The following GNG7 variants were observed in gnomAD, a reference collection of about 807,000 sequenced individuals.
GNG7 encodes the protein guanine nucleotide-binding protein G(I)/G(S)/G(O) subunit gamma-7.
GNG7 carries 1 observed loss-of-function variant against 4.0 expected under a neutral mutation model. That is an observed-to-expected ratio of 0.25 (90% CI 0.09 to 1.18). The LOEUF (loss-of-function observed/expected upper bound fraction) is 1.18, where lower values mean the gene tolerates loss of function less well. GNG7 is among the 50% of genes most tolerant of loss of function. GNG7 has a pLI of 0.50. For missense variants in GNG7, 86 were observed against 91.9 expected (o/e 0.94, Z 0.26); for synonymous variants, 34 against 36.9 (o/e 0.92, Z 0.29).
intron 3 of GNG7, among the ~76,000 whole-genome samples, chr19:2,525,971 A>ATTTTTTTTGTTTTTTTTTTTTTTTTT (rs1978380847): frequency 1.3e-5 from 1 of 75,684 alleles, no homozygotes; most frequent in Non-Finnish European, 2.3e-5. Context: ...CTCCACGCCA[A>ATTTTTTTTGTTTTTTTTTTTTTTTTT]TTTTTTTTTT....
At position 2,634,161 on chromosome 19, in the gene GNG7, A is replaced by G. The variant is rs1350822688; in HGVS notation, c.-78+12063T>C. 6.6e-6 allele frequency among the ~76,000 whole-genome samples: 1 copy of G among 152,106 alleles called. No individual in the cohort carries two copies. Among genetic ancestry groups the G allele is most frequent in the Non-Finnish European group, 1.5e-5 (1 of 68,006 alleles). ...GCCCCACTGGGCGTTTATGGTGCCT[A>G]TCATGAGCAGGAAAATAACTCGAAT... is the stretch of plus-strand genomic sequence containing the variant. On this transcript the variant is annotated intron_variant, in intron 2 of 4. Coordinates refer to ENST00000382159, the MANE Select transcript of GNG7 (RefSeq NM_052847.3). This position sits in a 1 kb window ranked among gnomAD's most constrained non-coding sequence, Gnocchi z 5.3.
At chr19:2,550,660 T>C (rs1443953782) in intron 3 of GNG7, among the ~76,000 whole-genome samples, 1 of 152,206 alleles carries the variant, frequency 6.6e-6, no homozygotes, top group Non-Finnish European at 1.5e-5. Flanking sequence ...GACCACCAGC[T>C]GCTCTGTGGC....
chr19:2,544,767 G>A (rs999105756), intron 3 of GNG7, among the ~76,000 whole-genome samples: 9 of 152,180 alleles, frequency 5.9e-5, no homozygotes, highest in African/African-American at 1.9e-4. Context: ...GACATCTGTG[G>A]TTGTCGGGGT....
At chr19:2,688,515 G>A (rs889078929) in intron 1 of GNG7, among the ~76,000 whole-genome samples, 9 of 152,102 alleles carry the variant, frequency 5.9e-5, no homozygotes, top group East Asian at 1.9e-4. Flanking sequence ...CCCGAAACCC[G>A]TAACCCCGGT....
chr19:2,587,862 A>AGAAGGAAG lies in GNG7; in HGVS notation c.-77-32682_-77-32675dup, dbSNP rs71178293. Among the ~76,000 whole-genome samples the AGAAGGAAG allele has an allele frequency of 3.0e-3, 439 of 144,976 alleles. 2 individuals carry two copies. Among genetic ancestry groups the AGAAGGAAG allele is most frequent in the South Asian group, 0.014 (59 of 4,336 alleles). Reference sequence around the variant, plus strand: ...ATCTCAAGAAAAGAGAGAGAAAGAGAGAAGGAAGGAAGGAAGGAAGGAAGG... The same window carrying AGAAGGAAG: ...ATCTCAAGAAAAGAGAGAGAAAGAGAGAAGGAAGGAAGGAAGGAAGGAAGGAAGGAAGG... On this transcript the variant is annotated intron_variant, in intron 2 of 4. Transcript: ENST00000382159.
chr19:2,687,541 G>A (rs1185209931), intron 1 of GNG7, among the ~76,000 whole-genome samples: 4 of 152,082 alleles, frequency 2.6e-5, no homozygotes, highest in South Asian at 2.1e-4. Flanking sequence ...GCTTGAGCCC[G>A]GGAGGCAGAG....
Position 2,611,293 on chromosome 19 carries a change from TCTAGA to T in GNG7, c.-78+34926_-78+34930del, listed in dbSNP as rs1981555708. 1 of 152,204 alleles carries T rather than the reference TCTAGA, an allele frequency of 6.6e-6. No individual in the cohort carries two copies. Among genetic ancestry groups the T allele is most frequent in the African/African-American group, 2.4e-5 (1 of 41,414 alleles). 9.4% of individuals were successfully genotyped at this position (152,204 alleles called of 1,614,324 possible). A position where few individuals can be genotyped will look rare whatever the true frequency, so the allele number is the denominator to read the frequency against. On this transcript the variant is annotated intron_variant, in intron 2 of 4. Coordinates refer to ENST00000382159, the MANE Select transcript of GNG7 (RefSeq NM_052847.3). The surrounding 1 kb of genome is among the most constrained non-coding windows in gnomAD (Gnocchi z 6.0). ...GGCGAGGAATTCCGCCTGGCGAGCG[TCTAGA>T]CTGCGGTGTTTCTGGGACGCTGGGA...
intron 3 of GNG7, among the ~76,000 whole-genome samples, chr19:2,527,777 C>T (rs866130104): frequency 2.0e-5 from 3 of 151,244 alleles, no homozygotes; most frequent in Non-Finnish European, 4.4e-5. Context: ...CCAGGAAACC[C>T]CCCCCCCCAC....
At chr19:2,519,736 A>C (rs1376332203) in intron 4 of GNG7, among the ~76,000 whole-genome samples, 1 of 151,862 alleles carries the variant, frequency 6.6e-6, no homozygotes, top group East Asian at 1.9e-4. Flanking sequence ...TTCCAGGAGG[A>C]GGGAACTCTG....
chr19:2,617,110 C>T lies in GNG7; in HGVS notation c.-78+29114G>A, dbSNP rs952225546. Among the ~76,000 whole-genome samples the T allele has an allele frequency of 4.6e-5, 7 of 152,218 alleles. No homozygotes were observed. The highest frequency in any genetic ancestry group is 1.9e-4 in the East Asian group (1 of 5,200). On this transcript the variant is annotated intron_variant, in intron 2 of 4. Transcript: ENST00000382159. The surrounding 1 kb of genome is among the most constrained non-coding windows in gnomAD (Gnocchi z 4.7). ...CATTCCGTTAACCCAAAGTCTCTGA[C>T]GTTCAGGGCTGGATCATTCTCTGGG...
At chr19:2,539,918 T>TCCCTCCCTCC (rs1491120863) in intron 3 of GNG7, among the ~76,000 whole-genome samples, 11 of 142,488 alleles carry the variant, frequency 7.7e-5, no homozygotes, top group Non-Finnish European at 1.5e-4. Context: ...CCTCCCTCTT[T>TCCCTCCCTCC]CTCTTTCTTT....
intron 1 of GNG7, among the ~76,000 whole-genome samples, chr19:2,650,352 G>C (rs1982778901): frequency 6.6e-6 from 1 of 151,718 alleles, no homozygotes; most frequent in South Asian, 2.1e-4. Flanking sequence ...TGCCTGGCTA[G>C]CTTTTTTTGT....
Position 2,683,136 on chromosome 19 carries a change from C to T in GNG7, c.-135+19510G>A, listed in dbSNP as rs143045476. Among the ~76,000 whole-genome samples the T allele has an allele frequency of 3.8e-3, 577 of 151,960 alleles. 9 individuals carry two copies. The East Asian group carries it at 0.043, about 11-fold the overall frequency. ...TGCCTGTAATCCCAGCTACTCGGGA[C>T]GCTGAGGCACGAGAATCGCTTGAAC... is the stretch of plus-strand genomic sequence containing the variant. On this transcript the variant is annotated intron_variant, in intron 1 of 4. Transcript: ENST00000382159.
chr19:2,653,938 C>T lies in GNG7; in HGVS notation c.-134-7658G>A, dbSNP rs140535061. ...GCGAGGGGACAGCTCTCGCCTGCCT[C>T]GGCGAGCCCGGGTTCCAGAAGATGT... On this transcript the variant is annotated intron_variant, in intron 1 of 4. Coordinates refer to ENST00000382159, the MANE Select transcript of GNG7 (RefSeq NM_052847.3). This position sits in a 1 kb window ranked among gnomAD's most constrained non-coding sequence, Gnocchi z 4.8. Among the ~76,000 whole-genome samples, 951 of 152,338 alleles carry T rather than the reference C, an allele frequency of 6.2e-3. 1 individual carries two copies. The highest frequency in any genetic ancestry group is 0.021 in the African/African-American group (882 of 41,582).
chr19:2,637,218 C>CCT (rs1555699229), intron 2 of GNG7, among the ~76,000 whole-genome samples: 1 of 144,182 alleles, frequency 6.9e-6, no homozygotes, highest in African/African-American at 2.5e-5. Flanking sequence ...AGGCTCCCCC[C>CCT]GCCCCCGAGC....
intron 1 of GNG7, among the ~76,000 whole-genome samples, chr19:2,700,269 G>C (rs1362753394): frequency 6.6e-6 from 1 of 151,936 alleles, no homozygotes; most frequent in Non-Finnish European, 1.5e-5. Context: ...AGCCTCCCAA[G>C]TAGCTGGGAT....
chr19:2,579,159 T>G (rs1980428482), intron 2 of GNG7, among the ~76,000 whole-genome samples: 2 of 152,312 alleles, frequency 1.3e-5, no homozygotes, highest in South Asian at 4.1e-4. Context: ...GCGGGATGGG[T>G]GCCCCCGGCC....
intron 3 of GNG7, among the ~76,000 whole-genome samples, chr19:2,532,458 A>G (rs1978625770): frequency 6.6e-6 from 1 of 152,232 alleles, no homozygotes; most frequent in South Asian, 2.1e-4. Context: ...GAAAGAAACT[A>G]CAGAAGAAAG....
At chr19:2,612,856 C>G (rs1981613867) in intron 2 of GNG7, among the ~76,000 whole-genome samples, 1 of 151,852 alleles carries the variant, frequency 6.6e-6, no homozygotes, top group South Asian at 2.1e-4. Context: ...CCACACCCGG[C>G]TAATTTTGTA....
Sources: allele counts gnomAD v4.1 joint callset (sites outside exome capture counted in the v4.1 genomes callset), GRCh38; gene constraint gnomAD v4.1.1; non-coding constraint Gnocchi (gnomAD v3.1); transcripts MANE v1.5; gene names NCBI Gene and HGNC (gene_info 2026-07-23, HGNC 2026-07-21).